Variants in CSGALNACT2 observed in about 807,000 individuals in gnomAD.
CSGALNACT2 encodes chondroitin sulfate N-acetylgalactosaminyltransferase 2, also known as beta 4 GalNAcT-2.
Under a neutral mutation model 55.3 loss-of-function variants are expected in CSGALNACT2, and 35 were observed. The observed-to-expected ratio is 0.63, with a 90% confidence interval of 0.48 to 0.84. The LOEUF (loss-of-function observed/expected upper bound fraction) is 0.84, where lower values mean the gene tolerates loss of function less well. Ranked by LOEUF, CSGALNACT2 falls within the 40% of genes least tolerant of loss-of-function variation. CSGALNACT2 has a pLI of 0.00. For synonymous variants in CSGALNACT2, 196 were observed against 224.9 expected (o/e 0.87, Z 1.15); for missense variants, 544 against 657.5 (o/e 0.83, Z 1.89).
intron 6 of CSGALNACT2, among the ~76,000 whole-genome samples, chr10:43,172,922 G>C (rs143295919): frequency 2.0e-4 from 31 of 152,308 alleles, no homozygotes; most frequent in African/African-American, 7.5e-4. Context: ...GTGGTTTCAG[G>C]CAGAAAGAAC....
chr10:43,158,618 T>G, intron 2 of CSGALNACT2, 97 bp from the exon 3 acceptor site: 2 of 714,202 alleles, frequency 2.8e-6, no homozygotes, highest in Middle Eastern at 2.5e-4. Context: ...CAGGTCTAGT[T>G]TAATACCCTT....
intron 1 of CSGALNACT2, among the ~76,000 whole-genome samples, chr10:43,144,217 G>A (rs539891931): frequency 1.3e-5 from 2 of 152,318 alleles, no homozygotes; most frequent in Non-Finnish European, 2.9e-5. Flanking sequence ...GAGGGCAGTA[G>A]ATTAGTCTTC....
At chr10:43,145,992 ACTCT>A (rs775858503) in intron 1 of CSGALNACT2, among the ~76,000 whole-genome samples, 1 of 151,932 alleles carries the variant, frequency 6.6e-6, no homozygotes, top group Non-Finnish European at 1.5e-5. Flanking sequence ...ACATAGCAAG[ACTCT>A]CTCTCTAAAA....
chr10:43,158,949 A>T lies in CSGALNACT2; in HGVS notation c.878+18A>T, dbSNP rs1160554476. 5 of 1,436,476 alleles carry T rather than the reference A, an allele frequency of 3.5e-6. No homozygotes were observed. The South Asian group carries it at 5.7e-5, about 16-fold the overall frequency. The allele number at this position is 1,436,476 out of a possible 1,614,324, so 89.0% of individuals were successfully genotyped here. A position where few individuals can be genotyped will look rare whatever the true frequency, so the allele number is the denominator to read the frequency against. ...AACTTCAGGTAACTGTCAGGGCTTA[A>T]TGATTAAGCTACATTCTCCTAAAAA... On this transcript the variant is annotated intron_variant, in intron 3 of 7. Transcript: ENST00000374466.
intron 7 of CSGALNACT2, among the ~76,000 whole-genome samples, chr10:43,176,406 C>G (rs934164610): frequency 1.3e-5 from 2 of 151,742 alleles, no homozygotes; most frequent in Admixed American, 1.3e-4. Context: ...TTATCTAGAC[C>G]AAGGACTTTC....
At chr10:43,140,416 A>G (rs1838596156) in intron 1 of CSGALNACT2, among the ~76,000 whole-genome samples, 1 of 152,186 alleles carries the variant, frequency 6.6e-6, no homozygotes, top group African/African-American at 2.4e-5. Flanking sequence ...ATAACATTCA[A>G]GGTTGGTTTT....
intron 1 of CSGALNACT2, among the ~76,000 whole-genome samples, chr10:43,150,896 C>A (rs1049221624): frequency 6.6e-6 from 1 of 151,986 alleles, no homozygotes; most frequent in South Asian, 2.1e-4. Context: ...ATTTTTGATT[C>A]TTTTTTCTTT....
chr10:43,174,538 G>A (rs1228780336), intron 6 of CSGALNACT2, among the ~76,000 whole-genome samples: 3 of 152,158 alleles, frequency 2.0e-5, no homozygotes, highest in African/African-American at 4.8e-5. Flanking sequence ...TGTTCAGGAC[G>A]GAAGCCTGCT....
At chr10:43,149,196 A>G (rs1187634029) in intron 1 of CSGALNACT2, among the ~76,000 whole-genome samples, 3 of 151,888 alleles carry the variant, frequency 2.0e-5, no homozygotes, top group Admixed American at 6.6e-5. Flanking sequence ...GATTCTCCTA[A>G]CTCAGCCTCC....
chr10:43,174,011 G>C (rs1232912149), intron 6 of CSGALNACT2, among the ~76,000 whole-genome samples: 1 of 151,940 alleles, frequency 6.6e-6, no homozygotes, highest in Admixed American at 6.6e-5. Context: ...AATAATAATA[G>C]AGTCTAGTCT....
chr10:43,138,876 G>A (rs1437473820), intron 1 of CSGALNACT2, among the ~76,000 whole-genome samples: 1 of 152,182 alleles, frequency 6.6e-6, no homozygotes, highest in African/African-American at 2.4e-5. Flanking sequence ...TGGTGACCTC[G>A]TCATCGCGTT....
intron 1 of CSGALNACT2, among the ~76,000 whole-genome samples, chr10:43,142,692 T>C (rs1455808319): frequency 1.3e-5 from 2 of 152,196 alleles, no homozygotes; most frequent in African/African-American, 4.8e-5. Flanking sequence ...ACCTAAAATA[T>C]TTGCTGATTC....
In CSGALNACT2 at chr10:43,183,429, A is replaced by C. The variant is rs1233459914; in HGVS notation, c.1516A>C (p.Lys506Gln). Residue 506 changes from lysine (K) to glutamine (Q), a missense_variant, in exon 8 of 8, where the codon AAA (lysine) becomes CAA (glutamine). By Grantham distance (53) the Lys-to-Gln change is moderately conservative. This residue lies in a region of CSGALNACT2 where 170 missense variants were observed against 256.2 expected (regional missense o/e 0.66). Transcript: ENST00000374466. ...PEQYRMCIQSKAMNEASHSHL... is the reference protein window; with the variant it reads ...PEQYRMCIQSQAMNEASHSHL... Reference sequence around the variant, plus strand: ...GCAGTACCGCATGTGCATCCAGTCTAAAGCCATGAATGAGGCCTCTCACTC... The same window carrying C: ...GCAGTACCGCATGTGCATCCAGTCTCAAGCCATGAATGAGGCCTCTCACTC... 6.2e-7 allele frequency: 1 copy of C among 1,614,190 alleles called. No homozygotes were observed. Among genetic ancestry groups the C allele is most frequent in the Non-Finnish European group, 8.5e-7 (1 of 1,180,036 alleles).
intron 1 of CSGALNACT2, among the ~76,000 whole-genome samples, chr10:43,141,974 C>G (rs540107586): frequency 1.3e-5 from 2 of 152,236 alleles, no homozygotes; most frequent in South Asian, 4.2e-4. Flanking sequence ...CTGACTGTTC[C>G]CCACTCTTCT....
At chr10:43,142,593 A>G (rs1470262055) in intron 1 of CSGALNACT2, among the ~76,000 whole-genome samples, 1 of 152,244 alleles carries the variant, frequency 6.6e-6, no homozygotes, top group Non-Finnish European at 1.5e-5. Context: ...GTCCCTTGGA[A>G]CACAACTATA....
chr10:43,154,542 A>G (rs1404345000), intron 1 of CSGALNACT2, among the ~76,000 whole-genome samples: 6 of 152,178 alleles, frequency 3.9e-5, no homozygotes, highest in South Asian at 4.1e-4. Flanking sequence ...CCTGGCTAAC[A>G]TGGTGAAACC....
intron 1 of CSGALNACT2, among the ~76,000 whole-genome samples, chr10:43,149,169 G>A (rs1838822958): frequency 6.6e-6 from 1 of 151,934 alleles, no homozygotes; most frequent in Admixed American, 6.6e-5. Flanking sequence ...TGCAACCTCC[G>A]CCTCCCAGGT....
intron 1 of CSGALNACT2, among the ~76,000 whole-genome samples, chr10:43,150,833 A>G (rs897925290): frequency 5.9e-5 from 9 of 152,158 alleles, no homozygotes; most frequent in Non-Finnish European, 8.8e-5. Flanking sequence ...CTCCAGTTAC[A>G]TGTATATTAG....
chr10:43,150,813 T>A (rs2503866), intron 1 of CSGALNACT2, among the ~76,000 whole-genome samples: 114,764 of 152,088 alleles, frequency 0.75, 43,882 homozygotes, highest in African/African-American at 0.81. Context: ...CCTTCCCCCT[T>A]CTTTGGGGAC....
Sources: allele counts gnomAD v4.1 joint callset (sites outside exome capture counted in the v4.1 genomes callset), GRCh38; gene constraint gnomAD v4.1.1; regional missense constraint gnomAD v4.1.1; transcripts MANE v1.5; gene names NCBI Gene and HGNC (gene_info 2026-07-23, HGNC 2026-07-21).